The following ETV5 variants were observed in gnomAD, a reference collection of about 807,000 sequenced individuals.
ETV5 encodes ETS translocation variant 5.
A neutral mutation model predicts 70.0 loss-of-function variants in ETV5; 10 were observed. The observed-to-expected ratio is 0.14, with a 90% CI of 0.09 to 0.24. ETV5 has a LOEUF of 0.24. Ranked by LOEUF, ETV5 falls within the 10% of genes least tolerant of loss-of-function variation. ETV5 has a pLI of 1.00. For missense variants in ETV5, 453 were observed against 651.2 expected (o/e 0.70, Z 3.31); for synonymous variants, 216 against 242.2 (o/e 0.89, Z 1.01).
Position 186,105,776 on chromosome 3 carries a change from C to T in ETV5, c.45+48G>A, listed in dbSNP as rs62290908. 2.9e-3 allele frequency: 4,713 copies of T among 1,610,590 alleles called. 6 individuals carry two copies. The highest frequency in any genetic ancestry group is 3.7e-3 in the Non-Finnish European group (4,358 of 1,176,776). On this transcript the variant is annotated intron_variant, in intron 2 of 12. Transcript: ENST00000306376. This position sits in a 1 kb window ranked among gnomAD's most constrained non-coding sequence, Gnocchi z 4.5. ...TAAAGAGGTCCACAGGGGGAAGACT[C>T]ATATTGGAGAGGGAGGACAAAACAA...
At chr3:186,082,301 C>T (rs927492014) in intron 5 of ETV5, among the ~76,000 whole-genome samples, 1 of 152,214 alleles carries the variant, frequency 6.6e-6, no homozygotes, top group African/African-American at 2.4e-5. Context: ...TAGCTAACTA[C>T]AGTCAGTGGT....
At chr3:186,072,318 G>A (rs968509483) in intron 7 of ETV5, among the ~76,000 whole-genome samples, 1 of 151,412 alleles carries the variant, frequency 6.6e-6, no homozygotes, top group Non-Finnish European at 1.5e-5. Context: ...AGAGGTGGAG[G>A]CCAAGATCAC....
chr3:186,101,372 C>T (rs948717007), intron 5 of ETV5, among the ~76,000 whole-genome samples: 6 of 152,132 alleles, frequency 3.9e-5, no homozygotes, highest in African/African-American at 1.2e-4. Context: ...ACTGTAACCT[C>T]GAACTCCTAG....
At position 186,064,532 on chromosome 3, in the gene ETV5, A is replaced by G; in HGVS notation, c.911-56T>C. On this transcript the variant is annotated intron_variant, in intron 8 of 12. Coordinates refer to ENST00000306376, the MANE Select transcript of ETV5 (RefSeq NM_004454.3). Reference sequence around the variant, plus strand: ...TGTCAATAGTTTCTGCAGCAGAAACAGCACATCGGTCAACTGCAGCTCTGT... The same window carrying G: ...TGTCAATAGTTTCTGCAGCAGAAACGGCACATCGGTCAACTGCAGCTCTGT... The G allele has an allele frequency of 2.6e-6, 4 of 1,529,286 alleles. No homozygotes were observed. The Middle Eastern group carries it at 6.7e-4, about 258-fold the overall frequency. The allele number at this position is 1,529,286 out of a possible 1,614,324, so 94.7% of individuals were successfully genotyped here.
In ETV5 at chr3:186,105,696, T is replaced by A; in HGVS notation, c.62A>T (p.Glu21Val). ...GTCAATCACAGGCCGCCCTCTGCAT[T>A]CCTCAGATCGAGATTTCTGAAAGAG... ...FMVPGKSRSE[E>V]CRGRPVIDRK... Residue 21 changes from glutamate to valine, a missense_variant, in exon 3 of 13, where the codon GAA (glutamate) becomes GTA (valine). Around this residue, in one of 4 missense-constraint regions of ETV5, gnomAD observed 47 missense variants for 96.8 expected, o/e 0.49. Coordinates refer to ENST00000306376, the MANE Select transcript of ETV5 (RefSeq NM_004454.3). The surrounding 1 kb of genome is among the most constrained non-coding windows in gnomAD (Gnocchi z 4.5). The A allele has an allele frequency of 1.2e-6, 2 of 1,614,182 alleles. No homozygotes were observed. Among genetic ancestry groups the A allele is most frequent in the Non-Finnish European group, 1.7e-6 (2 of 1,180,030 alleles).
intron 5 of ETV5, among the ~76,000 whole-genome samples, chr3:186,096,776 T>C (rs1314122374): frequency 1.3e-5 from 2 of 152,340 alleles, no homozygotes; most frequent in East Asian, 3.9e-4. Flanking sequence ...GCCTTTTAAC[T>C]GATTGTCCTT....
rs1578538249 is a variant in ETV5, at chr3:186,057,634, G to A, written c.971-143C>T. On this transcript the variant is annotated intron_variant, in intron 9 of 12. Transcript: ENST00000306376. The surrounding 1 kb of genome is among the most constrained non-coding windows in gnomAD (Gnocchi z 4.9). ...GTATCTATGGCAGACTGAATTTTCA[G>A]GGACTTCAAGAGGGCTTAGGCATTC... is the stretch of plus-strand genomic sequence containing the variant. 2 of 729,922 alleles carry A rather than the reference G, an allele frequency of 2.7e-6. No individual in the cohort carries two copies. The highest frequency in any genetic ancestry group is 4.8e-6 in the Non-Finnish European group (2 of 419,424). 45.2% of individuals were successfully genotyped at this position (729,922 alleles called of 1,614,324 possible).
intron 5 of ETV5, among the ~76,000 whole-genome samples, chr3:186,103,764 A>T (rs775442828): frequency 5.3e-5 from 8 of 152,254 alleles, no homozygotes; most frequent in Non-Finnish European, 7.3e-5. Flanking sequence ...ACTCTCCCAT[A>T]GAACACATCC....
chr3:186,101,548 T>A (rs1714458339), intron 5 of ETV5, among the ~76,000 whole-genome samples: 1 of 152,114 alleles, frequency 6.6e-6, no homozygotes, highest in East Asian at 1.9e-4. Flanking sequence ...TTTCTCAGGA[T>A]CATAGAAGGA....
chr3:186,058,037 T>C (rs1027600874), intron 9 of ETV5, among the ~76,000 whole-genome samples: 1 of 152,180 alleles, frequency 6.6e-6, no homozygotes, highest in Non-Finnish European at 1.5e-5. Context: ...GAAAGCAGTA[T>C]TGGGGGTATT....
chr3:186,069,355 C>T (rs566592518), intron 7 of ETV5, among the ~76,000 whole-genome samples: 118 of 152,208 alleles, frequency 7.8e-4, no homozygotes, highest in Non-Finnish European at 1.4e-3. Flanking sequence ...GAATGCCTTA[C>T]GGCACAACTT....
At chr3:186,080,244 C>A in intron 6 of ETV5, 140 bp from the exon 7 acceptor site, 1 of 590,594 alleles carries the variant, frequency 1.7e-6, no homozygotes, top group Non-Finnish European at 2.7e-6. Context: ...CTCGTAGCCC[C>A]GAGGGGATAT....
intron 1 of ETV5, among the ~76,000 whole-genome samples, chr3:186,107,794 T>G (rs1410308319): frequency 2.6e-5 from 4 of 151,626 alleles, no homozygotes; most frequent in South Asian, 4.2e-4. Context: ...GGCCGCCACA[T>G]CAGGTAGAGG....
At chr3:186,079,133 A>C in intron 7 of ETV5, 1 of 1,039,304 alleles carries the variant, frequency 9.6e-7, no homozygotes, top group African/African-American at 1.7e-5. Flanking sequence ...TCTTCTATAA[A>C]AGAAGGCCAC....
At position 186,105,960 on chromosome 3, in the gene ETV5, G is replaced by A. The variant is rs771805393; in HGVS notation, c.-74-18C>T. On this transcript the variant is annotated intron_variant, in intron 1 of 12. Coordinates refer to ENST00000306376, the MANE Select transcript of ETV5 (RefSeq NM_004454.3). The surrounding 1 kb of genome is among the most constrained non-coding windows in gnomAD (Gnocchi z 4.5). ...GGATCCTCCTGTAATATGAATTTGG[G>A]AGATTTTAACTAAGAGGGGGGAAAA... is the stretch of plus-strand genomic sequence containing the variant. 2.6e-6 allele frequency: 4 copies of A among 1,523,728 alleles called. No individual in the cohort carries two copies. Among genetic ancestry groups the A allele is most frequent in the Non-Finnish European group, 2.7e-6 (3 of 1,118,534 alleles). 94.4% of individuals were successfully genotyped at this position (1,523,728 alleles called of 1,614,324 possible). A position where few individuals can be genotyped will look rare whatever the true frequency, so the allele number is the denominator to read the frequency against.
At chr3:186,067,102 C>G (rs1210227465) in intron 7 of ETV5, among the ~76,000 whole-genome samples, 2 of 152,148 alleles carry the variant, frequency 1.3e-5, no homozygotes, top group Non-Finnish European at 2.9e-5. Context: ...CAAGACCAAC[C>G]TGGCCAACGT....
intron 6 of ETV5, 117 bp from the exon 7 acceptor site, chr3:186,080,221 C>T (rs879505871): frequency 5.0e-6 from 4 of 805,806 alleles, no homozygotes; most frequent in Middle Eastern, 3.8e-4. Context: ...ACAGCATTAA[C>T]ATAGTTAAAT....
At chr3:186,080,249 G>A (rs1249701678) in intron 6 of ETV5, 145 bp from the exon 7 acceptor site, 1 of 573,166 alleles carries the variant, frequency 1.7e-6, no homozygotes, top group Non-Finnish European at 2.8e-6. Context: ...AGCCCCGAGG[G>A]GATATTTGTA....
intron 5 of ETV5, among the ~76,000 whole-genome samples, chr3:186,093,049 A>G (rs1714219486): frequency 1.3e-5 from 2 of 152,142 alleles, no homozygotes; most frequent in African/African-American, 2.4e-5. Context: ...TTATGCCCTT[A>G]CTGCTCCCTG....
Sources: allele counts gnomAD v4.1 joint callset (sites outside exome capture counted in the v4.1 genomes callset), GRCh38; gene constraint gnomAD v4.1.1; regional missense constraint gnomAD v4.1.1; non-coding constraint Gnocchi (gnomAD v3.1); transcripts MANE v1.5; gene names NCBI Gene and HGNC (gene_info 2026-07-23, HGNC 2026-07-21).